The following STARD6 variants were observed in gnomAD, a reference collection of about 807,000 sequenced individuals.
The protein encoded by STARD6 is stAR-related lipid transfer protein 6.
In STARD6, 21 loss-of-function variants were observed where a neutral mutation model predicts 22.3. The observed-to-expected ratio is 0.94, with a 90% CI of 0.67 to 1.35. STARD6 has a LOEUF of 1.35. Ranked by LOEUF, STARD6 falls within the 40% of genes most tolerant of loss-of-function variation. STARD6 has a pLI of 0.00. For synonymous variants in STARD6, 80 were observed against 88.1 expected, an observed-to-expected ratio of 0.91 and a Z score of 0.52; for missense variants, 269 against 266.9, an observed-to-expected ratio of 1.01 and a Z score of -0.05.
intron 4 of STARD6, among the ~76,000 whole-genome samples, chr18:54,348,624 TGA>T (rs2089061773): frequency 6.6e-6 from 1 of 152,066 alleles, no homozygotes; most frequent in Admixed American, 6.6e-5. Flanking sequence ...GTGGGAAATA[TGA>T]GAAATATATT....
At chr18:54,340,762 A>G (rs1005874302) in intron 4 of STARD6, among the ~76,000 whole-genome samples, 1 of 152,332 alleles carries the variant, frequency 6.6e-6, no homozygotes, top group South Asian at 2.1e-4. Flanking sequence ...AAATTCAAAG[A>G]TACATATAGG....
chr18:54,355,480 T>A (rs546815859), intron 2 of STARD6, among the ~76,000 whole-genome samples: 4 of 152,058 alleles, frequency 2.6e-5, no homozygotes, highest in Non-Finnish European at 5.9e-5. Context: ...AAAGCCCTTA[T>A]GAATGGGATT....
At chr18:54,354,389 TG>T (rs780207738) in intron 3 of STARD6, 94 bp downstream of exon 3, 3 of 1,151,614 alleles carry the variant, frequency 2.6e-6, no homozygotes, top group Non-Finnish European at 2.5e-6. Flanking sequence ...CCACTGCACC[TG>T]GAACAGAAAA....
At chr18:54,329,317 TTAAAA>T (rs780266484) in intron 7 of STARD6, 25 bp downstream of exon 7, 3 of 1,507,226 alleles carry the variant, frequency 2.0e-6, no homozygotes, top group African/African-American at 2.9e-5. Flanking sequence ...AAAAAACCTG[TTAAAA>T]TAAATAAGTG....
chr18:54,326,383 G>A (rs747337512), intron 7 of STARD6, among the ~76,000 whole-genome samples: 25 of 144,200 alleles, frequency 1.7e-4, no homozygotes, highest in Non-Finnish European at 3.7e-4. Context: ...CCAGGCTGGA[G>A]TGCCGTGGAG....
At chr18:54,348,899 AT>A (rs903312851) in intron 4 of STARD6, among the ~76,000 whole-genome samples, 5 of 152,078 alleles carry the variant, frequency 3.3e-5, no homozygotes, top group African/African-American at 1.2e-4. Context: ...TCTTGAGTTT[AT>A]TTTTTTGTAC....
At chr18:54,325,740 G>T (rs926147594) in intron 7 of STARD6, among the ~76,000 whole-genome samples, 2 of 152,034 alleles carry the variant, frequency 1.3e-5, no homozygotes, top group Non-Finnish European at 2.9e-5. Flanking sequence ...TAAAGAGACA[G>T]GGTCTCATTA....
intron 4 of STARD6, among the ~76,000 whole-genome samples, chr18:54,340,769 TA>T: frequency 6.6e-6 from 1 of 152,300 alleles, no homozygotes; most frequent in South Asian, 2.1e-4. Flanking sequence ...AAGATACATA[TA>T]GGTGAATGTA....
intron 4 of STARD6, among the ~76,000 whole-genome samples, chr18:54,343,540 G>C (rs2089002556): frequency 1.4e-5 from 1 of 70,218 alleles, no homozygotes; most frequent in African/African-American, 6.8e-5. Context: ...GTCCGGGAGG[G>C]AGGTGGGGGG....
rs552849265 is a variant in STARD6, at chr18:54,349,455, C to T, written c.140+4599G>A. ...GAAGAGAAGTGGTCAGAAATGAGGTCAGAGAGGTAAGTGGGGCCCAGATAG... is the reference window on the plus strand; with the variant it reads ...GAAGAGAAGTGGTCAGAAATGAGGTTAGAGAGGTAAGTGGGGCCCAGATAG... On this transcript the variant is annotated intron_variant, in intron 4 of 7. Transcript: ENST00000307844. 2.4e-4 allele frequency among the ~76,000 whole-genome samples: 37 copies of T among 152,212 alleles called. No homozygotes were observed. In the South Asian group the frequency reaches 7.3e-3, roughly 30 times the overall value.
At chr18:54,354,179 T>G in intron 3 of STARD6, 76 bp from the exon 4 acceptor site, 1 of 962,406 alleles carries the variant, frequency 1.0e-6, no homozygotes, top group South Asian at 1.6e-5. Flanking sequence ...CTAACAAAAG[T>G]AAAAACACTT....
chr18:54,349,654 C>A (rs571056123), intron 4 of STARD6, among the ~76,000 whole-genome samples: 11 of 152,120 alleles, frequency 7.2e-5, no homozygotes, highest in Non-Finnish European at 1.6e-4. Flanking sequence ...CCATCCTCCT[C>A]CTCCCACCCT....
In STARD6 at chr18:54,331,764, T is replaced by G; in HGVS notation, c.363A>C (p.Glu121Asp). 6.2e-7 allele frequency: 1 copy of G among 1,610,724 alleles called. No homozygotes were observed. Among genetic ancestry groups the G allele is most frequent in the East Asian group, 2.2e-5 (1 of 44,838 alleles). The change falls in exon 6 of 8, where the codon GAA becomes GAC. Residue 121 changes from glutamate (E) to aspartate (D), a missense_variant. Glu to Asp is a conservative substitution (Grantham distance 45). Transcript: ENST00000307844. ...FIDLVYIKRY[E>D]GNMNIISSKS... ...TACAACTGATAATGTTCATATTTCC[T>G]TCGTAGCGCTTGATGTACACTAAGT...
intron 4 of STARD6, among the ~76,000 whole-genome samples, chr18:54,337,493 T>C (rs2088926817): frequency 6.6e-6 from 1 of 152,236 alleles, no homozygotes; most frequent in Non-Finnish European, 1.5e-5. Flanking sequence ...TATTAGTAAT[T>C]AAGTTTTTGG....
rs527324764 is a variant in STARD6 at position 54,325,250 on chromosome 18, A to C, written c.480-375T>G. The stretch of plus-strand genomic sequence containing the variant: ...CGTGACTATCTTTCTCTCTCTCTAT[A>C]TATATACACAAAAACAGCATACATT... On this transcript the variant is annotated intron_variant, in intron 7 of 7. Coordinates refer to ENST00000307844, the MANE Select transcript of STARD6 (RefSeq NM_139171.2). Among the ~76,000 whole-genome samples, 868 of 152,122 alleles carry C rather than the reference A, an allele frequency of 5.7e-3. 7 individuals carry two copies. The highest frequency in any genetic ancestry group is 0.021 in the African/African-American group (854 of 41,498).
chr18:54,336,385 G>A (rs756807840), intron 5 of STARD6, among the ~76,000 whole-genome samples: 2 of 152,274 alleles, frequency 1.3e-5, no homozygotes, highest in South Asian at 2.1e-4. Context: ...CCCGCATGCT[G>A]TTCTCCTGCT....
chr18:54,329,911 A>T (rs1217648551), intron 6 of STARD6, among the ~76,000 whole-genome samples: 1 of 151,486 alleles, frequency 6.6e-6, no homozygotes, highest in Non-Finnish European at 1.5e-5. Flanking sequence ...AAGTAGTTAG[A>T]TGGTCTGTCA....
intron 6 of STARD6, 56 bp downstream of exon 6, chr18:54,331,686 A>G (rs955980069): frequency 8.5e-7 from 1 of 1,172,882 alleles, no homozygotes; most frequent in Non-Finnish European, 1.2e-6. Flanking sequence ...TAAAGGGAAA[A>G]CATTTATTAA....
rs762798803 is a variant in STARD6 at position 54,354,037 on chromosome 18, TAGA to T, written c.140+14_140+16del. On this transcript the variant is annotated intron_variant, in intron 4 of 7. Transcript: ENST00000307844. ...TTGAATTTAAAACAGTAATTGTAAA[TAGA>T]AGATTGTACTCACAGATTTCCATGG... 11 of 1,513,408 alleles carry T rather than the reference TAGA, an allele frequency of 7.3e-6. No individual in the cohort carries two copies. In the East Asian group the frequency reaches 1.6e-4, roughly 23 times the overall value. The allele number at this position is 1,513,408 out of a possible 1,614,324, so 93.7% of individuals were successfully genotyped here.
Sources: gnomAD v4.1 joint callset for allele counts (sites outside exome capture counted in the v4.1 genomes callset) on GRCh38, gnomAD v4.1.1 for gene constraint, MANE v1.5 for transcripts, NCBI Gene and HGNC (gene_info 2026-07-23, HGNC 2026-07-21) for gene names.